Variants in ZCCHC14 observed in about 807,000 individuals in gnomAD.
The protein encoded by ZCCHC14 is zinc finger CCHC domain-containing protein 14.
A neutral mutation model predicts 85.0 loss-of-function variants in ZCCHC14; 16 were observed. The observed-to-expected ratio is 0.19, with a 90% CI of 0.13 to 0.29. The LOEUF (loss-of-function observed/expected upper bound fraction) is 0.29, where lower values mean the gene tolerates loss of function less well. Among genes scored for constraint, ZCCHC14 ranks in the 10% least tolerant of loss-of-function variants. The probability of loss-of-function intolerance (pLI) is 1.00; values close to 1 mark genes in which losing one functional copy is unlikely to be tolerated. For missense variants in ZCCHC14, 1,303 were observed against 1,443.5 expected, an observed-to-expected ratio of 0.90 and a Z score of 1.58; for synonymous variants, 775 against 630.7, an observed-to-expected ratio of 1.23 and a Z score of -3.43.
chr16:87,415,365 A>G lies in ZCCHC14; in HGVS notation c.1386T>C (p.Phe462=). 1 of 1,613,146 alleles carries G rather than the reference A, an allele frequency of 6.2e-7. No homozygotes were observed. The highest frequency in any genetic ancestry group is 8.5e-7 in the Non-Finnish European group (1 of 1,179,812). ...TCAGATCTTCTTCAGTAAGGCTCAA[A>G]AACTTTCACAGAAAAAACAAATTAC... ...PVFKQLSMEK[F]LSLTEEDLNK... Residue 462 remains phenylalanine, a splice_region_variant and synonymous_variant, in exon 9 of 13, where the codon TTT becomes TTC. Transcript: ENST00000671377.
intron 2 of ZCCHC14, among the ~76,000 whole-genome samples, chr16:87,453,208 C>A (rs1597432365): frequency 6.6e-6 from 1 of 152,230 alleles, no homozygotes; most frequent in East Asian, 1.9e-4. Flanking sequence ...CAGAGCCCGA[C>A]TAGGGGCAGG....
intron 1 of ZCCHC14, chr16:87,467,594 T>C: frequency 7.3e-7 from 1 of 1,364,718 alleles, no homozygotes; most frequent in South Asian, 1.2e-5. Flanking sequence ...GGAATAGGTG[T>C]CAAGGATCTG....
chr16:87,437,469 G>A lies in ZCCHC14; in HGVS notation c.695-4268C>T, dbSNP rs1909984254. ...AAGCCTCCGTGAGGAAAGCATTCACGTGCGTAAAAATGGCGATTCGGCCAC... is the reference window on the plus strand; with the variant it reads ...AAGCCTCCGTGAGGAAAGCATTCACATGCGTAAAAATGGCGATTCGGCCAC... On this transcript the variant is annotated intron_variant, in intron 2 of 12. Transcript: ENST00000671377. 2.0e-5 allele frequency among the ~76,000 whole-genome samples: 3 copies of A among 152,066 alleles called. No individual in the cohort carries two copies. In the South Asian group the frequency reaches 6.2e-4, roughly 32 times the overall value.
At chr16:87,480,490 A>G (rs1912219086) in intron 1 of ZCCHC14, among the ~76,000 whole-genome samples, 1 of 152,236 alleles carries the variant, frequency 6.6e-6, no homozygotes, top group Non-Finnish European at 1.5e-5. Context: ...GCTACATAAT[A>G]TATGAGAGGT....
intron 1 of ZCCHC14, among the ~76,000 whole-genome samples, chr16:87,479,330 C>T (rs900041069): frequency 3.3e-5 from 5 of 151,262 alleles, no homozygotes; most frequent in African/African-American, 4.9e-5. Flanking sequence ...GCAGGAGAGT[C>T]GCTTGAACCC....
intron 2 of ZCCHC14, among the ~76,000 whole-genome samples, chr16:87,443,167 G>C (rs1314469736): frequency 2.0e-5 from 3 of 152,198 alleles, no homozygotes; most frequent in African/African-American, 7.2e-5. Context: ...AGCAGCTTTC[G>C]ATGCCTGCGG....
At chr16:87,470,397 T>A (rs1567539330) in intron 1 of ZCCHC14, 1 of 152,136 alleles carries the variant, frequency 6.6e-6, no homozygotes, top group Non-Finnish European at 1.5e-5. Flanking sequence ...ATTTAATTAC[T>A]TGGACTACAG....
intron 2 of ZCCHC14, among the ~76,000 whole-genome samples, chr16:87,447,412 C>G (rs1033447999): frequency 6.6e-6 from 1 of 152,100 alleles, no homozygotes; most frequent in Non-Finnish European, 1.5e-5. Context: ...ATCACTAATC[C>G]TTGAATCAAG....
At chr16:87,433,962 C>A (rs1764001564) in intron 2 of ZCCHC14, among the ~76,000 whole-genome samples, 2 of 152,138 alleles carry the variant, frequency 1.3e-5, no homozygotes. Flanking sequence ...CAGGAGAATT[C>A]ATTCTCATCC....
intron 2 of ZCCHC14, among the ~76,000 whole-genome samples, chr16:87,446,226 G>C (rs1002709708): frequency 6.6e-6 from 1 of 151,676 alleles, no homozygotes; most frequent in Non-Finnish European, 1.5e-5. Context: ...GCTCACGCCT[G>C]TAATCCCAGC....
At chr16:87,458,366 C>T (rs62053133) in intron 2 of ZCCHC14, among the ~76,000 whole-genome samples, 44,982 of 152,128 alleles carry the variant, frequency 0.3, 8,941 homozygotes, top group Non-Finnish European at 0.45. Context: ...CGCGGCATCA[C>T]CAGGATGAGG....
chr16:87,467,845 G>A (rs938532816), intron 1 of ZCCHC14, among the ~76,000 whole-genome samples: 1 of 152,174 alleles, frequency 6.6e-6, no homozygotes, highest in Non-Finnish European at 1.5e-5. Flanking sequence ...TAGAGACGGG[G>A]TTTCACCGTG....
intron 4 of ZCCHC14, among the ~76,000 whole-genome samples, chr16:87,423,077 G>A (rs1288962382): frequency 6.6e-6 from 1 of 152,222 alleles, no homozygotes; most frequent in Non-Finnish European, 1.5e-5. Context: ...ATTTACATAT[G>A]TTATCCCATT....
In ZCCHC14 at chr16:87,492,454, G is replaced by C. The variant is rs1221472778; in HGVS notation, c.-216C>G. 1 of 144,944 alleles carries C rather than the reference G, an allele frequency of 6.9e-6. No homozygotes were observed. Among genetic ancestry groups the C allele is most frequent in the Non-Finnish European group, 1.5e-5 (1 of 65,396 alleles). 9.0% of individuals were successfully genotyped at this position (144,944 alleles called of 1,614,324 possible). A position where few individuals can be genotyped will look rare whatever the true frequency, so the allele number is the denominator to read the frequency against. On this transcript the variant is annotated 5_prime_UTR_variant, in exon 1 of 13. Transcript: ENST00000671377. This position sits in a 1 kb window ranked among gnomAD's most constrained non-coding sequence, Gnocchi z 6.7. ...GCTCCCGTCAGGGGCCGGCGGGCGGGCGCGCGCGGGGCGCCGGGGGGGCCC... is the reference window on the plus strand; with the variant it reads ...GCTCCCGTCAGGGGCCGGCGGGCGGCCGCGCGCGGGGCGCCGGGGGGGCCC...
intron 4 of ZCCHC14, among the ~76,000 whole-genome samples, chr16:87,422,337 C>T (rs549922342): frequency 2.0e-5 from 3 of 152,168 alleles, no homozygotes; most frequent in Admixed American, 6.5e-5. Context: ...AGCCGTGGGG[C>T]GGCAGCACCA....
chr16:87,469,516 G>C (rs191352462), intron 1 of ZCCHC14, among the ~76,000 whole-genome samples: 4 of 152,226 alleles, frequency 2.6e-5, no homozygotes, highest in African/African-American at 9.6e-5. Context: ...GGTCCACACA[G>C]GGCAGCCCCT....
chr16:87,424,598 G>C (rs562892896), intron 3 of ZCCHC14, among the ~76,000 whole-genome samples: 1 of 152,174 alleles, frequency 6.6e-6, no homozygotes, highest in African/African-American at 2.4e-5. Flanking sequence ...TAAGCTCCAG[G>C]GGGGAAGGGG....
chr16:87,427,186 C>G (rs564210106), intron 3 of ZCCHC14, among the ~76,000 whole-genome samples: 33 of 152,340 alleles, frequency 2.2e-4, no homozygotes, highest in African/African-American at 6.5e-4. Context: ...CCACGGGTCA[C>G]CTTCTGCAGC....
intron 8 of ZCCHC14, among the ~76,000 whole-genome samples, chr16:87,415,822 C>G (rs1478270051): frequency 6.6e-6 from 1 of 152,218 alleles, no homozygotes; most frequent in Non-Finnish European, 1.5e-5. Flanking sequence ...CAGGACGGCC[C>G]CATCACAGTG....
Sources: allele counts gnomAD v4.1 joint callset (sites outside exome capture counted in the v4.1 genomes callset), GRCh38; gene constraint gnomAD v4.1.1; non-coding constraint Gnocchi (gnomAD v3.1); transcripts MANE v1.5; gene names NCBI Gene and HGNC (gene_info 2026-07-23, HGNC 2026-07-21).